The following RIMS1 variants were observed in gnomAD, a reference collection of about 807,000 sequenced individuals.
RIMS1 encodes the protein regulating synaptic membrane exocytosis protein 1.
In RIMS1, 83 loss-of-function variants were observed where a neutral mutation model predicts 214.1. The ratio of observed to expected loss-of-function variants is 0.39; its 90% CI spans 0.32 to 0.47. RIMS1 has a LOEUF of 0.47. Ranked by LOEUF, RIMS1 falls within the 20% of genes least tolerant of loss-of-function variation. The pLI is 0.99. For synonymous variants in RIMS1, 793 were observed against 786.8 expected (o/e 1.01, Z -0.13); for missense variants, 2,050 against 2,161.8 (o/e 0.95, Z 1.03).
intron 4 of RIMS1, among the ~76,000 whole-genome samples, chr6:72,173,797 A>G (rs1250075615): frequency 6.6e-6 from 1 of 152,046 alleles, no homozygotes; most frequent in Non-Finnish European, 1.5e-5. Flanking sequence ...AGGCATGAGA[A>G]TGGATGATTG....
intron 22 of RIMS1, among the ~76,000 whole-genome samples, chr6:72,272,484 CTAAG>C (rs950448854): frequency 6.6e-6 from 1 of 152,124 alleles, no homozygotes; most frequent in Non-Finnish European, 1.5e-5. Context: ...CAGAAGGACT[CTAAG>C]TGTACAAATA....
At chr6:71,955,054 T>C (rs1213610127) in intron 1 of RIMS1, among the ~76,000 whole-genome samples, 1 of 152,218 alleles carries the variant, frequency 6.6e-6, no homozygotes, top group Non-Finnish European at 1.5e-5. Context: ...GTTAAAAATA[T>C]ATTTTATTCT....
chr6:71,898,684 G>C (rs1221514043), intron 1 of RIMS1, among the ~76,000 whole-genome samples: 1 of 152,104 alleles, frequency 6.6e-6, no homozygotes, highest in Non-Finnish European at 1.5e-5. Flanking sequence ...TAGTGCTCCA[G>C]GCCATCAACT....
intron 2 of RIMS1, among the ~76,000 whole-genome samples, chr6:72,033,684 G>A (rs182205331): frequency 3.6e-4 from 55 of 152,074 alleles, no homozygotes; most frequent in African/African-American, 1.2e-3. Flanking sequence ...GTTTCACCAC[G>A]TTGGCCAGAC....
At chr6:72,213,750 A>G (rs2054449677) in intron 6 of RIMS1, among the ~76,000 whole-genome samples, 2 of 152,216 alleles carry the variant, frequency 1.3e-5, no homozygotes, top group East Asian at 1.9e-4. Flanking sequence ...CTTTTCACAA[A>G]TGCAGGCCTT....
intron 10 of RIMS1, among the ~76,000 whole-genome samples, chr6:72,245,494 G>A (rs1331058239): frequency 6.6e-6 from 1 of 152,084 alleles, no homozygotes. Flanking sequence ...TTGAAGGAAA[G>A]TATTACCTTT....
chr6:72,193,344 A>T (rs1386755439), intron 6 of RIMS1, among the ~76,000 whole-genome samples: 1 of 152,196 alleles, frequency 6.6e-6, no homozygotes, highest in Non-Finnish European at 1.5e-5. Context: ...TTTATCTGAT[A>T]AAGACAACCT....
intron 2 of RIMS1, among the ~76,000 whole-genome samples, chr6:71,969,482 A>G (rs1286744219): frequency 6.6e-6 from 1 of 152,146 alleles, no homozygotes; most frequent in Non-Finnish European, 1.5e-5. Context: ...AACCCTCAAC[A>G]TATATTATTT....
intron 4 of RIMS1, among the ~76,000 whole-genome samples, chr6:72,159,752 T>A (rs2045037243): frequency 7.1e-6 from 1 of 140,022 alleles, no homozygotes; most frequent in Admixed American, 7.3e-5. Context: ...GATCTATATC[T>A]CTGTTTTGGT....
chr6:71,943,390 CCAAA>C (rs1394536883), intron 1 of RIMS1, among the ~76,000 whole-genome samples: 1 of 152,042 alleles, frequency 6.6e-6, no homozygotes, highest in Non-Finnish European at 1.5e-5. Flanking sequence ...CTGGATTATC[CCAAA>C]CACTTTTTGC....
chr6:72,224,760 T>C (rs2059675175), intron 6 of RIMS1, among the ~76,000 whole-genome samples: 2 of 152,206 alleles, frequency 1.3e-5, no homozygotes, highest in African/African-American at 4.8e-5. Context: ...TTGTGGTTTA[T>C]CTTATTTCAG....
At chr6:72,347,313 A>G (rs1036207896) in intron 29 of RIMS1, among the ~76,000 whole-genome samples, 1 of 151,856 alleles carries the variant, frequency 6.6e-6, no homozygotes, top group African/African-American at 2.4e-5. Flanking sequence ...AGTATGTAGC[A>G]CAAAGCCTGT....
At chr6:72,286,910 G>A (rs1021900612) in intron 24 of RIMS1, among the ~76,000 whole-genome samples, 1 of 152,180 alleles carries the variant, frequency 6.6e-6, no homozygotes, top group African/African-American at 2.4e-5. Flanking sequence ...AGCCTTTTAA[G>A]AATATATTTT....
At chr6:71,905,714 G>T (rs1341309646) in intron 1 of RIMS1, among the ~76,000 whole-genome samples, 2 of 152,138 alleles carry the variant, frequency 1.3e-5, no homozygotes, top group Non-Finnish European at 2.9e-5. Context: ...CCAGATCAGT[G>T]GTTTCCACAC....
intron 4 of RIMS1, among the ~76,000 whole-genome samples, chr6:72,177,228 A>G (rs1223281113): frequency 3.3e-5 from 5 of 152,128 alleles, no homozygotes; most frequent in Non-Finnish European, 7.4e-5. Context: ...TTCTGTAGAA[A>G]AGAACCTACT....
At chr6:72,377,885 G>A (rs935771588) in intron 29 of RIMS1, among the ~76,000 whole-genome samples, 11 of 152,050 alleles carry the variant, frequency 7.2e-5, no homozygotes, top group African/African-American at 2.4e-4. Context: ...TCATATGAAC[G>A]ATATTAATGT....
At position 72,251,042 on chromosome 6, in the gene RIMS1, G is replaced by T. The variant is rs1271762553; in HGVS notation, c.2494G>T (p.Val832Leu). 6.3e-7 allele frequency: 1 copy of T among 1,583,960 alleles called. No homozygotes were observed. ...TAGAGAACGAATGTTAGAAATAACT[G>T]TGTGGGACCAACCAAGAGTGCAAGA... Reference protein sequence around the residue: ...DFRERMLEITVWDQPRVQEEE... With the variant: ...DFRERMLEITLWDQPRVQEEE... Residue 832 changes from valine to leucine, a missense_variant, in exon 14 of 34, where the codon GTG (valine) becomes TTG (leucine). This residue lies in a region of RIMS1 where 889 missense variants were observed against 885.5 expected (regional missense o/e 1.00). Transcript: ENST00000521978.
chr6:72,065,389 A>G (rs1465305216), intron 2 of RIMS1, among the ~76,000 whole-genome samples: 1 of 152,190 alleles, frequency 6.6e-6, no homozygotes, highest in African/African-American at 2.4e-5. Context: ...TAATTTTACT[A>G]ATAGAAATTG....
intron 4 of RIMS1, among the ~76,000 whole-genome samples, chr6:72,117,627 C>A (rs2037347871): frequency 6.6e-6 from 1 of 151,578 alleles, no homozygotes; most frequent in South Asian, 2.1e-4. Context: ...AAGGAACCCT[C>A]AAAACTATAG....
Sources: allele counts gnomAD v4.1 joint callset (sites outside exome capture counted in the v4.1 genomes callset), GRCh38; gene constraint gnomAD v4.1.1; regional missense constraint gnomAD v4.1.1; transcripts MANE v1.5; gene names NCBI Gene and HGNC (gene_info 2026-07-23, HGNC 2026-07-21).